MYLK2: variants seen among roughly 807,000 people sequenced by gnomAD.
MYLK2 encodes the protein myosin light chain kinase 2, skeletal/cardiac muscle.
Under a neutral mutation model 58.2 loss-of-function variants are expected in MYLK2, and 27 were observed. The observed-to-expected ratio is 0.46, with a 90% confidence interval of 0.34 to 0.64. The LOEUF (loss-of-function observed/expected upper bound fraction) is 0.64, where lower values mean the gene tolerates loss of function less well. MYLK2 is among the 30% of genes least tolerant of loss of function. MYLK2 has a pLI of 0.01. For missense variants in MYLK2, 676 were observed against 764.3 expected (o/e 0.88, Z 1.36); for synonymous variants, 310 against 296.7 (o/e 1.04, Z -0.46).
Position 31,827,528 on chromosome 20 carries a change from CT to C in MYLK2, c.1224+598del, listed in dbSNP as rs946904492. The C allele has an allele frequency of 9.1e-6, 9 of 984,832 alleles. No homozygotes were observed. In the African/African-American group the frequency reaches 1.4e-4, roughly 15 times the overall value. The allele number at this position is 984,832 out of a possible 1,614,324, so 61.0% of individuals were successfully genotyped here. A position where few individuals can be genotyped will look rare whatever the true frequency, so the allele number is the denominator to read the frequency against. On this transcript the variant is annotated intron_variant, in intron 8 of 12. Coordinates refer to ENST00000375985, the MANE Select transcript of MYLK2 (RefSeq NM_033118.4). ...GTGAAAGAATATTGATATCCTTCTTCTTTTTTTTGAGATAGAGTCTCACTCT... is the reference window on the plus strand; with the variant it reads ...GTGAAAGAATATTGATATCCTTCTTCTTTTTTTGAGATAGAGTCTCACTCT...
intron 2 of MYLK2, 108 bp downstream of exon 2, chr20:31,819,740 A>G (rs964340998): frequency 2.7e-5 from 36 of 1,344,658 alleles, no homozygotes; most frequent in South Asian, 3.8e-5. Context: ...CCTTGTTTGC[A>G]TGGTGCACGG....
chr20:31,820,475 G>T lies in MYLK2; in HGVS notation c.402G>T (p.Glu134Asp), dbSNP rs768092962. 1.2e-6 allele frequency: 2 copies of T among 1,610,278 alleles called. No individual in the cohort carries two copies. Among genetic ancestry groups the T allele is most frequent in the African/African-American group, 1.3e-5 (1 of 75,068 alleles). ...GKPRVGKKAA[E>D]GQAAARRGSP... ...CCAGGGTGGGCAAGAAGGCAGCAGA[G>T]GGCCAAGCAGCAGCCAGGAGGGGCT... The change falls in exon 3 of 13, where the codon GAG (glutamate) becomes GAT (aspartate). Residue 134 changes from glutamate (E) to aspartate (D), a missense_variant. Transcript: ENST00000375985.
chr20:31,820,316 CAG>C lies in MYLK2; in HGVS notation c.244_245del (p.Arg82GlyfsTer23), dbSNP rs751701199. 1.2e-6 allele frequency: 2 copies of C among 1,613,244 alleles called. No individual in the cohort carries two copies. Among genetic ancestry groups the C allele is most frequent in the Non-Finnish European group, 8.5e-7 (1 of 1,179,892 alleles). Reference sequence around the variant, plus strand: ...GCCAAGGCCCCAAAGGAGAGGGTGACAGGGGCGGGGGGCCCGCGGAGGGCAGT... The same window carrying C: ...GCCAAGGCCCCAAAGGAGAGGGTGACGGGCGGGGGGCCCGCGGAGGGCAGT... ...SSQGPKGEGD[R>X]GGGPAEGSAG... On this transcript the variant is annotated frameshift_variant, in exon 3 of 13. Transcript: ENST00000375985. LOFTEE classifies it high-confidence loss of function.
chr20:31,826,167 T>G (rs892459214), intron 6 of MYLK2, among the ~76,000 whole-genome samples: 2 of 152,154 alleles, frequency 1.3e-5, no homozygotes, highest in South Asian at 4.1e-4. Context: ...ATTTTGGACA[T>G]GATAGATTTG....
At chr20:31,824,511 C>T in intron 6 of MYLK2, 159 bp downstream of exon 6, 3 of 985,430 alleles carry the variant, frequency 3.0e-6, no homozygotes, top group Non-Finnish European at 3.6e-6. Flanking sequence ...GATGGACAGC[C>T]CTGCAGCAGG....
intron 8 of MYLK2, among the ~76,000 whole-genome samples, chr20:31,829,891 A>G (rs147485563): frequency 6.6e-6 from 1 of 152,346 alleles, no homozygotes; most frequent in East Asian, 1.9e-4. Context: ...AACGTCATCC[A>G]TGTGTTAACT....
At chr20:31,822,370 G>C (rs1325936524) in intron 4 of MYLK2, among the ~76,000 whole-genome samples, 1 of 152,252 alleles carries the variant, frequency 6.6e-6, no homozygotes, top group East Asian at 1.9e-4. Flanking sequence ...TGTATAGTGG[G>C]GTGGGGTCGT....
rs1218409603 is a variant in MYLK2, at chr20:31,819,409, G to C, written c.-68G>C. On this transcript the variant is annotated 5_prime_UTR_variant, in exon 1 of 13. Coordinates refer to ENST00000375985, the MANE Select transcript of MYLK2 (RefSeq NM_033118.4). Reference sequence around the variant, plus strand: ...CCGCTGGGAGACAGACGGCAACCAGGTTGCCCCTCTTTGCTCCAGGTACCT... The same window carrying C: ...CCGCTGGGAGACAGACGGCAACCAGCTTGCCCCTCTTTGCTCCAGGTACCT... 4 of 835,812 alleles carry C rather than the reference G, an allele frequency of 4.8e-6. No individual in the cohort carries two copies. Among genetic ancestry groups the C allele is most frequent in the Non-Finnish European group, 3.9e-6 (2 of 510,404 alleles). 51.8% of individuals were successfully genotyped at this position (835,812 alleles called of 1,614,324 possible). A position where few individuals can be genotyped will look rare whatever the true frequency, so the allele number is the denominator to read the frequency against.
rs10646259 is a variant in MYLK2 at position 31,827,882 on chromosome 20, CT to C, written c.1224+965del. On this transcript the variant is annotated intron_variant, in intron 8 of 12. Coordinates refer to ENST00000375985, the MANE Select transcript of MYLK2 (RefSeq NM_033118.4). ...TGGTAGGTCAGGAAGAGCAGATCTGCTTTTTTTTTTTTTTTTTTTTTGAGAC... is the reference window on the plus strand; with the variant it reads ...TGGTAGGTCAGGAAGAGCAGATCTGCTTTTTTTTTTTTTTTTTTTTGAGAC... Among the ~76,000 whole-genome samples the C allele has an allele frequency of 7.0e-3, 667 of 94,802 alleles. 3 individuals carry two copies. The highest frequency in any genetic ancestry group is 0.014 in the African/African-American group (284 of 20,978). The allele number at this position is 94,802 out of a possible 152,430, so 62.2% of individuals were successfully genotyped here.
At chr20:31,829,695 A>G (rs1276418154) in intron 8 of MYLK2, among the ~76,000 whole-genome samples, 1 of 152,242 alleles carries the variant, frequency 6.6e-6, no homozygotes, top group African/African-American at 2.4e-5. Context: ...CATATGGCCC[A>G]TGTGGCCAGG....
rs140667223 is a variant in MYLK2, at chr20:31,831,602, C to T, written c.1425-101C>T. The T allele has an allele frequency of 2.0e-4, 268 of 1,374,208 alleles. No homozygotes were observed. In the African/African-American group the frequency reaches 2.9e-3, roughly 15 times the overall value. 85.1% of individuals were successfully genotyped at this position (1,374,208 alleles called of 1,614,324 possible). A position where few individuals can be genotyped will look rare whatever the true frequency, so the allele number is the denominator to read the frequency against. ...AGAGGCTGGGGGTCTTTTCAGCACA[C>T]GGTGCTGCCTCCTAGGATCTGCCCC... On this transcript the variant is annotated intron_variant, in intron 10 of 12. Coordinates refer to ENST00000375985, the MANE Select transcript of MYLK2 (RefSeq NM_033118.4).
At chr20:31,832,271 A>G in intron 12 of MYLK2, 135 bp downstream of exon 12, 2 of 1,320,768 alleles carry the variant, frequency 1.5e-6, no homozygotes, top group Non-Finnish European at 1.0e-6. Flanking sequence ...GACAGGGTTG[A>G]CTTTTCTGTT....
chr20:31,830,506 C>T (rs929464794), intron 8 of MYLK2, among the ~76,000 whole-genome samples: 1 of 152,216 alleles, frequency 6.6e-6, no homozygotes, highest in African/African-American at 2.4e-5. Context: ...TGCCTCCTCT[C>T]CACAGGCTTC....
rs1568637303 is a variant in MYLK2 at position 31,834,566 on chromosome 20, T to C, written c.*769T>C. On this transcript the variant is annotated 3_prime_UTR_variant, in exon 13 of 13. Transcript: ENST00000375985. ...ACCCAACCACTCGGGGCCCCCATCT[T>C]GGGGGTCACCCATGGCCTCAGATGA... 6.5e-6 allele frequency: 1 copy of C among 152,686 alleles called. No homozygotes were observed. The highest frequency in any genetic ancestry group is 1.5e-5 in the Non-Finnish European group (1 of 68,076). The allele number at this position is 152,686 out of a possible 1,614,324, so 9.5% of individuals were successfully genotyped here. A position where few individuals can be genotyped will look rare whatever the true frequency, so the allele number is the denominator to read the frequency against.
chr20:31,823,723 C>A, intron 5 of MYLK2, 141 bp downstream of exon 5: 2 of 942,596 alleles, frequency 2.1e-6, no homozygotes, highest in Non-Finnish European at 3.3e-6. Flanking sequence ...CTGTGTGGGA[C>A]ACACACTGTG....
chr20:31,833,083 G>A (rs753057197), intron 12 of MYLK2, among the ~76,000 whole-genome samples: 1 of 152,010 alleles, frequency 6.6e-6, no homozygotes, highest in Non-Finnish European at 1.5e-5. Context: ...TGGAGATGAG[G>A]TCTCGCCATG....
chr20:31,824,227 G>T (rs985276934), intron 5 of MYLK2, 32 bp from the exon 6 acceptor site: 2 of 1,606,542 alleles, frequency 1.2e-6, no homozygotes, highest in African/African-American at 2.7e-5. Flanking sequence ...GGGCTCTGGG[G>T]TCCCCTCACT....
In MYLK2 at chr20:31,820,389, A is replaced by G. The variant is rs1181779316; in HGVS notation, c.316A>G (p.Thr106Ala). Reference sequence around the variant, plus strand: ...GCCCCAGCAGACTGCGACACCTGAGACCAGCGTCAAGAAGCCCAAGGCTGA... The same window carrying G: ...GCCCCAGCAGACTGCGACACCTGAGGCCAGCGTCAAGAAGCCCAAGGCTGA... ...ALPQQTATPETSVKKPKAEQG... is the reference protein window; with the variant it reads ...ALPQQTATPEASVKKPKAEQG... Residue 106 changes from threonine to alanine, a missense_variant, in exon 3 of 13, where the codon ACC (threonine) becomes GCC (alanine). Physicochemically the swap from Thr to Ala is moderately conservative, Grantham distance 58. Transcript: ENST00000375985. The G allele has an allele frequency of 1.2e-6, 2 of 1,612,760 alleles. No homozygotes were observed. Among genetic ancestry groups the G allele is most frequent in the African/African-American group, 1.3e-5 (1 of 75,050 alleles).
At chr20:31,830,943 CA>C (rs925685208) in intron 9 of MYLK2, 54 bp downstream of exon 9, 4 of 1,515,380 alleles carry the variant, frequency 2.6e-6, no homozygotes, top group African/African-American at 3.1e-5. Flanking sequence ...TGGCAGGGGA[CA>C]GGGGTGGGGT....
Sources: allele counts gnomAD v4.1 joint callset (sites outside exome capture counted in the v4.1 genomes callset), GRCh38; gene constraint gnomAD v4.1.1; transcripts MANE v1.5; gene names NCBI Gene and HGNC (gene_info 2026-07-23, HGNC 2026-07-21).